Variants in ERICH6 observed in about 807,000 individuals in gnomAD.
ERICH6 encodes glutamate-rich protein 6.
Under a neutral mutation model 71.0 loss-of-function variants are expected in ERICH6, and 71 were observed. The ratio of observed to expected loss-of-function variants is 1.00; its 90% CI spans 0.83 to 1.22. The LOEUF (loss-of-function observed/expected upper bound fraction) is 1.22, where lower values mean the gene tolerates loss of function less well. ERICH6 is among the 50% of genes most tolerant of loss of function. ERICH6 has a pLI of 0.00. For missense variants in ERICH6, 808 were observed against 797.2 expected (o/e 1.01, Z -0.16); for synonymous variants, 262 against 278.4 (o/e 0.94, Z 0.59).
At chr3:150,676,664 T>TG (rs1711667415) in intron 10 of ERICH6, among the ~76,000 whole-genome samples, 1 of 152,120 alleles carries the variant, frequency 6.6e-6, no homozygotes. Context: ...TGTTTTGAGA[T>TG]GGGGGTCTTG....
intron 13 of ERICH6, among the ~76,000 whole-genome samples, chr3:150,661,539 A>G (rs1272589042): frequency 2.0e-5 from 3 of 152,230 alleles, no homozygotes; most frequent in Non-Finnish European, 2.9e-5. Context: ...AGGAAAAATA[A>G]TTAGGAGATA....
In ERICH6 at chr3:150,703,846, T is replaced by A. The variant is rs1001087745; in HGVS notation, c.53A>T (p.Gln18Leu). Residue 18 changes from glutamine to leucine, a missense_variant, in exon 1 of 14, where the codon CAG becomes CTG. Physicochemically the swap from Gln to Leu is moderately radical, Grantham distance 113 (BLOSUM62 -2). Transcript: ENST00000295910. ...SGFGDPGKKDQKESEEELEEE... is the reference protein window; with the variant it reads ...SGFGDPGKKDLKESEEELEEE... ...CTCTAACTCCTCCTCTGACTCCTTC[T>A]GGTCCTTCTTCCCCGGGTCTCCGAA... The A allele has an allele frequency of 5.1e-6, 8 of 1,570,936 alleles. No individual in the cohort carries two copies. The highest frequency in any genetic ancestry group is 6.9e-6 in the Non-Finnish European group (8 of 1,154,836).
chr3:150,698,182 T>G (rs966542232), intron 3 of ERICH6, among the ~76,000 whole-genome samples: 1 of 148,906 alleles, frequency 6.7e-6, no homozygotes, highest in East Asian at 1.9e-4. Flanking sequence ...ATTCTCTATA[T>G]TGTTGCCATC....
At chr3:150,676,109 T>C (rs2108052145) in intron 10 of ERICH6, among the ~76,000 whole-genome samples, 1 of 152,194 alleles carries the variant, frequency 6.6e-6, no homozygotes, top group East Asian at 1.9e-4. Context: ...TTCCATACAC[T>C]CTCTCTTGTG....
At position 150,703,877 on chromosome 3, in the gene ERICH6, T is replaced by C; in HGVS notation, c.22A>G (p.Ser8Gly). 6.2e-7 allele frequency: 1 copy of C among 1,613,870 alleles called. No individual in the cohort carries two copies. Among genetic ancestry groups the C allele is most frequent in the Non-Finnish European group, 8.5e-7 (1 of 1,179,926 alleles). Residue 8 changes from serine to glycine, a missense_variant, in exon 1 of 14, where the codon AGC (serine) becomes GGC (glycine). By Grantham distance (56) the Ser-to-Gly change is moderately conservative. This residue lies in a region of ERICH6 where 53 missense variants were observed against 40.6 expected (regional missense o/e 1.30). Coordinates refer to ENST00000295910, the MANE Select transcript of ERICH6 (RefSeq NM_152394.5). MAHLRSP[S>G]GFGDPGKKDQ... Reference sequence around the variant, plus strand: ...TTCTTCCCCGGGTCTCCGAAGCCGCTAGGCGAGCGCAAGTGGGCCATGGCT... The same window carrying C: ...TTCTTCCCCGGGTCTCCGAAGCCGCCAGGCGAGCGCAAGTGGGCCATGGCT...
rs181280849 is a variant in ERICH6, at chr3:150,673,701, A to T, written c.1343+255T>A. The stretch of plus-strand genomic sequence containing the variant: ...CCTCCTGAGCCCAGATGATCCTTCT[A>T]CTTCAGTCTCCCGAGTAGCTGAGAC... On this transcript the variant is annotated intron_variant, in intron 11 of 13. Coordinates refer to ENST00000295910, the MANE Select transcript of ERICH6 (RefSeq NM_152394.5). Among the ~76,000 whole-genome samples the T allele has an allele frequency of 1.9e-4, 29 of 152,118 alleles. No individual in the cohort carries two copies. In the East Asian group the frequency reaches 3.3e-3, roughly 17 times the overall value.
intron 6 of ERICH6, among the ~76,000 whole-genome samples, chr3:150,684,258 G>A (rs1342153764): frequency 2.0e-5 from 3 of 152,206 alleles, no homozygotes; most frequent in East Asian, 1.9e-4. Context: ...ATTTCAGCCC[G>A]AAGAGTCTGT....
chr3:150,676,819 T>C (rs1052362827), intron 10 of ERICH6, among the ~76,000 whole-genome samples: 1 of 131,098 alleles, frequency 7.6e-6, no homozygotes, highest in East Asian at 2.1e-4. Flanking sequence ...TAAAAAAAAA[T>C]TTTTTTTTTT....
intron 6 of ERICH6, among the ~76,000 whole-genome samples, chr3:150,684,288 G>T (rs1162169289): frequency 6.6e-6 from 1 of 152,148 alleles, no homozygotes; most frequent in Non-Finnish European, 1.5e-5. Context: ...GTAAAGTTTA[G>T]AAACCTGGGT....
At chr3:150,682,551 G>A (rs1332276110) in intron 6 of ERICH6, among the ~76,000 whole-genome samples, 2 of 152,190 alleles carry the variant, frequency 1.3e-5, no homozygotes, top group African/African-American at 4.8e-5. Context: ...GAGCCTATCA[G>A]GAAGTGTGTG....
chr3:150,675,668 A>G (rs1278640656), intron 10 of ERICH6, among the ~76,000 whole-genome samples: 1 of 151,544 alleles, frequency 6.6e-6, no homozygotes, highest in Non-Finnish European at 1.5e-5. Context: ...CTTTCTTGAA[A>G]TATATTTTAA....
intron 13 of ERICH6, among the ~76,000 whole-genome samples, chr3:150,665,967 T>G (rs1727402108): frequency 6.6e-6 from 1 of 152,194 alleles, no homozygotes; most frequent in African/African-American, 2.4e-5. Flanking sequence ...ATGTCTATAT[T>G]ATTTTATTTA....
chr3:150,680,718 C>A, intron 8 of ERICH6, 55 bp downstream of exon 8: 3 of 1,564,804 alleles, frequency 1.9e-6, no homozygotes. Flanking sequence ...ATTTACAAAA[C>A]GAGCTCCGAT....
At position 150,703,884 on chromosome 3, in the gene ERICH6, G is replaced by C; in HGVS notation, c.15C>G (p.Arg5=). 1.9e-6 allele frequency: 3 copies of C among 1,613,942 alleles called. No individual in the cohort carries two copies. Among genetic ancestry groups the C allele is most frequent in the Non-Finnish European group, 2.5e-6 (3 of 1,179,940 alleles). MAHL[R]SPSGFGDPGK... Reference sequence around the variant, plus strand: ...CCGGGTCTCCGAAGCCGCTAGGCGAGCGCAAGTGGGCCATGGCTGGCGGGA... The same window carrying C: ...CCGGGTCTCCGAAGCCGCTAGGCGACCGCAAGTGGGCCATGGCTGGCGGGA... The change falls in exon 1 of 14, where the codon CGC becomes CGG. Residue 5 remains arginine (R), a synonymous_variant. Coordinates refer to ENST00000295910, the MANE Select transcript of ERICH6 (RefSeq NM_152394.5).
chr3:150,692,492 A>T (rs1214747089), intron 3 of ERICH6, among the ~76,000 whole-genome samples: 1 of 152,178 alleles, frequency 6.6e-6, no homozygotes, highest in Non-Finnish European at 1.5e-5. Context: ...CCTTTAAGAT[A>T]TTAGGTTCCT....
chr3:150,671,382 A>G (rs188575188), intron 11 of ERICH6, among the ~76,000 whole-genome samples: 3 of 152,288 alleles, frequency 2.0e-5, no homozygotes, highest in Admixed American at 2.0e-4. Context: ...GGATCTGAAA[A>G]GCTCAAAAAG....
chr3:150,702,144 G>A lies in ERICH6; in HGVS notation c.438C>T (p.Asp146=), dbSNP rs756496203. 6.1e-5 allele frequency: 96 copies of A among 1,578,536 alleles called. No individual in the cohort carries two copies. Among genetic ancestry groups the A allele is most frequent in the Non-Finnish European group, 7.9e-5 (91 of 1,157,576 alleles). Residue 146 remains aspartate, a synonymous_variant, in exon 2 of 14, where the codon GAC becomes GAT. Coordinates refer to ENST00000295910, the MANE Select transcript of ERICH6 (RefSeq NM_152394.5). ...ACCTATCTATACTCATTTCAGACAT[G>A]TCTTTCCTAAATGTCTGAAATATTT... ...FPKIFQTFRK[D]MSEMSIDRNI... is the part of the protein sequence containing the mutation.
intron 11 of ERICH6, among the ~76,000 whole-genome samples, chr3:150,671,263 T>C (rs1364283310): frequency 6.6e-6 from 1 of 152,194 alleles, no homozygotes; most frequent in Non-Finnish European, 1.5e-5. Flanking sequence ...AGTAAACACT[T>C]ACGAAACGAT....
chr3:150,681,856 C>T (rs1464981677), intron 7 of ERICH6, among the ~76,000 whole-genome samples: 1 of 130,464 alleles, frequency 7.7e-6, no homozygotes, highest in Non-Finnish European at 1.5e-5. Context: ...ACTCTGTTGC[C>T]CAGGCTGGAG....
Sources: allele counts gnomAD v4.1 joint callset (sites outside exome capture counted in the v4.1 genomes callset), GRCh38; gene constraint gnomAD v4.1.1; regional missense constraint gnomAD v4.1.1; transcripts MANE v1.5; gene names NCBI Gene and HGNC (gene_info 2026-07-23, HGNC 2026-07-21).